Variants in ASIC4 observed in about 807,000 individuals in gnomAD.
The protein encoded by ASIC4 is acid sensing ion channel subunit family member 4.
In ASIC4, 28 loss-of-function variants were observed where a neutral mutation model predicts 53.4. The observed-to-expected ratio is 0.52, with a 90% CI of 0.39 to 0.72. The LOEUF is 0.72. ASIC4 is among the 30% of genes least tolerant of loss of function. The pLI is 0.00. For missense variants in ASIC4, 649 were observed against 729.7 expected (o/e 0.89, Z 1.27); for synonymous variants, 289 against 301.4 (o/e 0.96, Z 0.43).
the ASIC4 span, among the ~76,000 whole-genome samples, chr2:219,508,126 C>T: frequency 1.1e-4 from 17 of 152,162 alleles, no homozygotes; most frequent in Non-Finnish European, 2.4e-4. Flanking sequence ...CCTTCATTAT[C>T]TCTCTTCATG....
Position 219,516,141 on chromosome 2 carries a change from C to T in ASIC4, c.582+835C>T, listed in dbSNP as rs966738555. Among the ~76,000 whole-genome samples the T allele has an allele frequency of 2.6e-5, 4 of 152,180 alleles. No homozygotes were observed. Among genetic ancestry groups the T allele is most frequent in the African/African-American group, 9.7e-5 (4 of 41,438 alleles). On this transcript the variant is annotated intron_variant, in intron 1 of 9. Coordinates refer to ENST00000358078, the MANE Select transcript of ASIC4 (RefSeq NM_018674.6). This position sits in a 1 kb window ranked among gnomAD's most constrained non-coding sequence, Gnocchi z 4.9. ...GCACACTCCCTCTCTCACTCACTGT[C>T]CCTGTCACTACACTCACATGCACAC...
At chr2:219,523,543 C>A (rs146946353) in intron 1 of ASIC4, among the ~76,000 whole-genome samples, 15 of 152,180 alleles carry the variant, frequency 9.9e-5, no homozygotes, top group African/African-American at 2.4e-4. Context: ...CCTGTATGCA[C>A]GTGTAGAACT....
Position 219,516,738 on chromosome 2 carries a change from G to A in ASIC4, c.582+1432G>A, listed in dbSNP as rs544146529. On this transcript the variant is annotated intron_variant, in intron 1 of 9. Coordinates refer to ENST00000358078, the MANE Select transcript of ASIC4 (RefSeq NM_018674.6). The surrounding 1 kb of genome is among the most constrained non-coding windows in gnomAD (Gnocchi z 4.9). ...CCAGGAAACATGCTCCAGCCAACGA[G>A]GTTCCTGGCCCCCACCATGCCTGCA... 3 of 152,298 alleles carry A rather than the reference G, an allele frequency of 2.0e-5. No individual in the cohort carries two copies. Among genetic ancestry groups the A allele is most frequent in the African/African-American group, 7.2e-5 (3 of 41,454 alleles). 9.4% of individuals were successfully genotyped at this position (152,298 alleles called of 1,614,324 possible).
Position 219,514,567 on chromosome 2 carries a change from C to T in ASIC4, c.-158C>T, listed in dbSNP as rs1445150591. On this transcript the variant is annotated 5_prime_UTR_variant, in exon 1 of 10. Coordinates refer to ENST00000358078, the MANE Select transcript of ASIC4 (RefSeq NM_018674.6). ...GCTGCTGGGAGTGGGAGTGACTCCC[C>T]CACCTCGGGCCCCCACCCTGTCCCT... 4 of 1,572,578 alleles carry T rather than the reference C, an allele frequency of 2.5e-6. No homozygotes were observed. The highest frequency in any genetic ancestry group is 2.6e-6 in the Non-Finnish European group (3 of 1,159,302).
chr2:219,514,165 T>G (rs1166649219), upstream of ASIC4: 1 of 747,036 alleles, frequency 1.3e-6, no homozygotes, highest in East Asian at 2.8e-5. Context: ...TGGGGAGATC[T>G]GGGGACCCAG....
Position 219,536,931 on chromosome 2 carries a change from T to C in ASIC4, c.1230-135T>C. On this transcript the variant is annotated intron_variant, in intron 6 of 9. Transcript: ENST00000358078. The surrounding 1 kb of genome is among the most constrained non-coding windows in gnomAD (Gnocchi z 4.6). ...TCCGGGACTGCCTCCCCTCACAGCC[T>C]TGGGGAGTCCGGGGGGTAGTCACTG... is the stretch of plus-strand genomic sequence containing the variant. The C allele has an allele frequency of 2.8e-6, 2 of 725,414 alleles. No individual in the cohort carries two copies. Among genetic ancestry groups the C allele is most frequent in the South Asian group, 1.7e-5 (1 of 57,802 alleles). The allele number at this position is 725,414 out of a possible 1,614,324, so 44.9% of individuals were successfully genotyped here.
Position 219,517,146 on chromosome 2 carries a change from A to G in ASIC4, c.582+1840A>G, listed in dbSNP as rs1451936340. The G allele has an allele frequency of 1.3e-5, 2 of 152,386 alleles. No individual in the cohort carries two copies. Among genetic ancestry groups the G allele is most frequent in the African/African-American group, 4.8e-5 (2 of 41,434 alleles). 9.4% of individuals were successfully genotyped at this position (152,386 alleles called of 1,614,324 possible). ...GGTGATGAGACCTCAGTGAGAGGAA[A>G]GGAGAGGAAGAGCTGGAGGGGGTGA... On this transcript the variant is annotated intron_variant, in intron 1 of 9. Transcript: ENST00000358078. The surrounding 1 kb of genome is among the most constrained non-coding windows in gnomAD (Gnocchi z 4.2).
At chr2:219,511,394 C>T (rs911287399), upstream of ASIC4, among the ~76,000 whole-genome samples, 3 of 142,270 alleles carry the variant, frequency 2.1e-5, no homozygotes, top group African/African-American at 7.5e-5. The surrounding 1 kb of genome is among the most constrained non-coding windows in gnomAD (Gnocchi z 5.3). Context: ...CATGCACTGC[C>T]CCCCCCCCAC....
chr2:219,538,001 C>G lies in ASIC4; in HGVS notation c.1575C>G (p.His525Gln), dbSNP rs764410890. The G allele has an allele frequency of 1.2e-6, 2 of 1,613,248 alleles. No homozygotes were observed. The highest frequency in any genetic ancestry group is 1.3e-5 in the African/African-American group (1 of 75,026). ...GVSSLLPNHH[H>Q]PHGPPGGLFE... ...GCAGTCTGCTCCCCAATCACCACCACCCCCACGGTCCCCCAGGAGGTCTCT... is the reference window on the plus strand; with the variant it reads ...GCAGTCTGCTCCCCAATCACCACCAGCCCCACGGTCCCCCAGGAGGTCTCT... Residue 525 changes from histidine to glutamine, a missense_variant, in exon 10 of 10, where the codon CAC becomes CAG. Coordinates refer to ENST00000358078, the MANE Select transcript of ASIC4 (RefSeq NM_018674.6).
At chr2:219,530,016 C>T (rs1001078362) in intron 1 of ASIC4, among the ~76,000 whole-genome samples, 1 of 152,200 alleles carries the variant, frequency 6.6e-6, no homozygotes, top group African/African-American at 2.4e-5. Flanking sequence ...CCCTTCTGCA[C>T]TCCCCCTGTG....
rs1695154280 is a variant in ASIC4 at position 219,537,218 on chromosome 2, T to C, written c.1322-24T>C. The C allele has an allele frequency of 1.2e-6, 2 of 1,612,564 alleles. No homozygotes were observed. Among genetic ancestry groups the C allele is most frequent in the South Asian group, 1.1e-5 (1 of 90,976 alleles). On this transcript the variant is annotated intron_variant, in intron 7 of 9. Transcript: ENST00000358078. This position sits in a 1 kb window ranked among gnomAD's most constrained non-coding sequence, Gnocchi z 4.9. ...GGTGGATCGGCCCGGCCGCTCCCTC[T>C]GACACTGCTCTCCTGCTTCCCAGGA...
intron 1 of ASIC4, among the ~76,000 whole-genome samples, chr2:219,525,548 T>C (rs1694948469): frequency 6.6e-6 from 1 of 152,218 alleles, no homozygotes; most frequent in Admixed American, 6.5e-5. Context: ...TCTCTAGGCT[T>C]GTTTCTGCCT....
At chr2:219,509,464 C>T (rs1010430992), upstream of ASIC4, among the ~76,000 whole-genome samples, 11 of 152,272 alleles carry the variant, frequency 7.2e-5, no homozygotes, top group East Asian at 3.9e-4. The surrounding 1 kb of genome is among the most constrained non-coding windows in gnomAD (Gnocchi z 5.2). Context: ...TGTGCAGAGA[C>T]GGGAGAACTG....
In ASIC4 at chr2:219,537,233, G is replaced by A. The variant is rs1422856987; in HGVS notation, c.1322-9G>A. 3 of 1,613,180 alleles carry A rather than the reference G, an allele frequency of 1.9e-6. No homozygotes were observed. Among genetic ancestry groups the A allele is most frequent in the Non-Finnish European group, 1.7e-6 (2 of 1,179,432 alleles). On this transcript the variant is annotated splice_polypyrimidine_tract_variant and intron_variant, in intron 7 of 9. Coordinates refer to ENST00000358078, the MANE Select transcript of ASIC4 (RefSeq NM_018674.6). The surrounding 1 kb of genome is among the most constrained non-coding windows in gnomAD (Gnocchi z 4.9). ...CCGCTCCCTCTGACACTGCTCTCCT[G>A]CTTCCCAGGAGACCTCGGGGGACAG...
In ASIC4 at chr2:219,515,063, G is replaced by C. The variant is rs35780339; in HGVS notation, c.339G>C (p.Pro113=). The change falls in exon 1 of 10, where the codon CCG becomes CCC. Residue 113 remains proline, a synonymous_variant. Transcript: ENST00000358078. The part of the protein sequence containing the change: ...PAAPAPVAGF[P]AVTLCNINRF... ...CCCCAGCCCCAGTGGCGGGCTTCCCGGCTGTCACCCTCTGCAATATCAACC... is the reference window on the plus strand; with the variant it reads ...CCCCAGCCCCAGTGGCGGGCTTCCCCGCTGTCACCCTCTGCAATATCAACC... The C allele has an allele frequency of 1.9e-5, 31 of 1,613,346 alleles. No individual in the cohort carries two copies. Among genetic ancestry groups the C allele is most frequent in the Non-Finnish European group, 2.6e-5 (31 of 1,179,984 alleles).
At position 219,536,973 on chromosome 2, in the gene ASIC4, A is replaced by T; in HGVS notation, c.1230-93A>T. ...TAGTCACTGACTTCCCCATGTAGTG[A>T]TCTCTGATCAGGATCTGCTGGATCC... On this transcript the variant is annotated intron_variant, in intron 6 of 9. Transcript: ENST00000358078. The surrounding 1 kb of genome is among the most constrained non-coding windows in gnomAD (Gnocchi z 4.6). 8.9e-7 allele frequency: 1 copy of T among 1,124,740 alleles called. No individual in the cohort carries two copies. The allele number at this position is 1,124,740 out of a possible 1,614,324, so 69.7% of individuals were successfully genotyped here.
intron 5 of ASIC4, chr2:219,533,310 G>C (rs542128477): frequency 1.1e-5 from 4 of 363,508 alleles, no homozygotes; most frequent in African/African-American, 2.0e-5. Flanking sequence ...AACCCCATCT[G>C]TCCACAGATC....
Position 219,514,722 on chromosome 2 carries a change from C to T in ASIC4, c.-3C>T, listed in dbSNP as rs970043251. ...TCTGGCCAGTCCCAGCAGCCGGGGA[C>T]AGATGCCGATCGAGATTGTGTGCAA... is the stretch of plus-strand genomic sequence containing the variant. On this transcript the variant is annotated 5_prime_UTR_variant, in exon 1 of 10. Transcript: ENST00000358078. 6.2e-7 allele frequency: 1 copy of T among 1,613,660 alleles called. No individual in the cohort carries two copies.
chr2:219,534,472 C>T (rs1017463873), intron 5 of ASIC4, among the ~76,000 whole-genome samples: 2 of 152,216 alleles, frequency 1.3e-5, no homozygotes, highest in African/African-American at 4.8e-5. Flanking sequence ...CAGCCTCTGC[C>T]ACCTACGGCC....
Sources: allele counts gnomAD v4.1 joint callset (sites outside exome capture counted in the v4.1 genomes callset), GRCh38; gene constraint gnomAD v4.1.1; non-coding constraint Gnocchi (gnomAD v3.1); transcripts MANE v1.5; gene names NCBI Gene and HGNC (gene_info 2026-07-23, HGNC 2026-07-21).